TIMD4: variants seen among roughly 807,000 people sequenced by gnomAD.
The protein encoded by TIMD4 is T cell immunoglobulin and mucin domain containing 4.
TIMD4 carries 31 observed loss-of-function variants against 41.2 expected under a neutral mutation model. That is an observed-to-expected ratio of 0.75 (90% CI 0.57 to 1.01). The LOEUF (loss-of-function observed/expected upper bound fraction) is 1.01, where lower values mean the gene tolerates loss of function less well. Among genes scored for constraint, TIMD4 ranks in the 50% least tolerant of loss-of-function variants. The probability of loss-of-function intolerance (pLI) is 0.00; values close to 1 mark genes in which losing one functional copy is unlikely to be tolerated. For missense variants in TIMD4, 479 were observed against 472.5 expected (o/e 1.01, Z -0.13); for synonymous variants, 204 against 177.1 (o/e 1.15, Z -1.21).
intron 6 of TIMD4, among the ~76,000 whole-genome samples, chr5:156,923,632 G>A (rs950385579): frequency 6.6e-6 from 1 of 151,742 alleles, no homozygotes; most frequent in Admixed American, 6.6e-5. Flanking sequence ...TTGAATTCCC[G>A]GGTTCAAGCA....
intron 5 of TIMD4, among the ~76,000 whole-genome samples, chr5:156,937,331 A>G (rs1759559080): frequency 6.6e-6 from 1 of 152,204 alleles, no homozygotes; most frequent in Admixed American, 6.5e-5. Flanking sequence ...GGTAGATCTT[A>G]CCAAAGGGCG....
intron 1 of TIMD4, among the ~76,000 whole-genome samples, chr5:156,957,106 T>C (rs1054199702): frequency 2.0e-5 from 3 of 152,004 alleles, no homozygotes; most frequent in Non-Finnish European, 2.9e-5. Flanking sequence ...CTCAGCTCAC[T>C]GCAACCTCTG....
chr5:156,955,115 T>G (rs1759947865), intron 1 of TIMD4, among the ~76,000 whole-genome samples: 1 of 152,102 alleles, frequency 6.6e-6, no homozygotes, highest in Admixed American at 6.6e-5. Context: ...AGCGTAAGTT[T>G]TGATGTGCCT....
intron 5 of TIMD4, among the ~76,000 whole-genome samples, chr5:156,944,579 A>T (rs1164828553): frequency 1.5e-5 from 2 of 133,700 alleles, no homozygotes; most frequent in Non-Finnish European, 3.0e-5. Context: ...ATCTCGGCTC[A>T]CTGCAAGCTC....
At chr5:156,948,324 C>CAAAAA (rs771775507) in intron 5 of TIMD4, 92 bp downstream of exon 5, 4 of 485,834 alleles carry the variant, frequency 8.2e-6, no homozygotes, top group African/African-American at 8.3e-5. Flanking sequence ...CTCATCTCTA[C>CAAAAA]AAAAAAAAAA....
intron 7 of TIMD4, 147 bp from the exon 8 acceptor site, chr5:156,920,650 C>A (rs1759220633): frequency 1.3e-6 from 1 of 760,150 alleles, no homozygotes; most frequent in Non-Finnish European, 2.3e-6. Flanking sequence ...AAAAGCCATT[C>A]CCTTTCCCAG....
intron 8 of TIMD4, 43 bp from the exon 9 acceptor site, chr5:156,919,584 T>A (rs745450033): frequency 6.5e-7 from 1 of 1,537,290 alleles, no homozygotes; most frequent in East Asian, 2.3e-5. Flanking sequence ...AACACAAGAC[T>A]AGAAAACAAA....
chr5:156,954,895 T>G (rs1474146749), intron 1 of TIMD4, 139 bp from the exon 2 acceptor site: 3 of 768,228 alleles, frequency 3.9e-6, no homozygotes, highest in Admixed American at 2.9e-5. Flanking sequence ...TTTTTTTTTT[T>G]GATACAGGGT....
At chr5:156,955,327 G>C (rs6890732) in intron 1 of TIMD4, among the ~76,000 whole-genome samples, 1 of 152,112 alleles carries the variant, frequency 6.6e-6, no homozygotes, top group Non-Finnish European at 1.5e-5. Context: ...CAGGTGGGCT[G>C]TTTTCCACAA....
chr5:156,953,378 G>A (rs879689322), intron 2 of TIMD4, among the ~76,000 whole-genome samples: 2 of 152,034 alleles, frequency 1.3e-5, no homozygotes, highest in African/African-American at 2.4e-5. Context: ...AATATAGGCC[G>A]GGTGTGGTGG....
chr5:156,931,063 T>A (rs1204939675), intron 5 of TIMD4, among the ~76,000 whole-genome samples: 4 of 152,064 alleles, frequency 2.6e-5, no homozygotes, highest in Non-Finnish European at 1.5e-5. Flanking sequence ...GAAGAAGAGA[T>A]CACAGAGAGA....
chr5:156,927,416 G>T (rs1759367925), intron 5 of TIMD4, among the ~76,000 whole-genome samples: 1 of 152,250 alleles, frequency 6.6e-6, no homozygotes, highest in African/African-American at 2.4e-5. Flanking sequence ...TGGCCATGAA[G>T]AGGTGAAATG....
chr5:156,930,652 C>T (rs1284465331), intron 5 of TIMD4, among the ~76,000 whole-genome samples: 1 of 152,160 alleles, frequency 6.6e-6, no homozygotes, highest in African/African-American at 2.4e-5. Flanking sequence ...TTTATTTATA[C>T]CTTATCTTTT....
chr5:156,941,080 G>A (rs1470176855), intron 5 of TIMD4, among the ~76,000 whole-genome samples: 1 of 152,140 alleles, frequency 6.6e-6, no homozygotes, highest in African/African-American at 2.4e-5. Flanking sequence ...TAAGGGCGGT[G>A]CAAGATGTGC....
chr5:156,939,993 G>T (rs1035869551), intron 5 of TIMD4, among the ~76,000 whole-genome samples: 2 of 152,142 alleles, frequency 1.3e-5, no homozygotes, highest in Non-Finnish European at 2.9e-5. Flanking sequence ...CGCTTTCCAC[G>T]GTCTCCCTCT....
At chr5:156,934,736 A>G (rs908361941) in intron 5 of TIMD4, among the ~76,000 whole-genome samples, 1 of 152,232 alleles carries the variant, frequency 6.6e-6, no homozygotes, top group African/African-American at 2.4e-5. Context: ...TTCTTAACGA[A>G]TCTGACAGAA....
At chr5:156,949,120 T>G (rs969192199) in intron 4 of TIMD4, among the ~76,000 whole-genome samples, 1 of 152,190 alleles carries the variant, frequency 6.6e-6, no homozygotes, top group Admixed American at 6.5e-5. Flanking sequence ...GCCAATCGTG[T>G]CTTATTTCAG....
intron 1 of TIMD4, among the ~76,000 whole-genome samples, chr5:156,957,300 G>A (rs1273972836): frequency 6.6e-6 from 1 of 152,012 alleles, no homozygotes; most frequent in Non-Finnish European, 1.5e-5. Flanking sequence ...GATCACCTGA[G>A]GTCAGGAGTT....
At chr5:156,956,118 C>T (rs1255845314) in intron 1 of TIMD4, among the ~76,000 whole-genome samples, 2 of 152,172 alleles carry the variant, frequency 1.3e-5, no homozygotes, top group Admixed American at 6.5e-5. Flanking sequence ...TCAACATCTC[C>T]CCTTTCACTA....
Sources: allele counts gnomAD v4.1 joint callset (sites outside exome capture counted in the v4.1 genomes callset), GRCh38; gene constraint gnomAD v4.1.1; transcripts MANE v1.5; gene names NCBI Gene and HGNC (gene_info 2026-07-23, HGNC 2026-07-21).